BOD1L1: variants seen among roughly 807,000 people sequenced by gnomAD.
BOD1L1 encodes biorientation of chromosomes in cell division 1 like 1.
A neutral mutation model predicts 240.7 loss-of-function variants in BOD1L1; 86 were observed. The observed-to-expected ratio is 0.36, with a 90% CI of 0.30 to 0.43. BOD1L1 has a LOEUF of 0.43. Ranked by LOEUF, BOD1L1 falls within the 20% of genes least tolerant of loss-of-function variation. The pLI is 1.00. For synonymous variants in BOD1L1, 1,268 were observed against 1,272.3 expected, an observed-to-expected ratio of 1.00 and a Z score of 0.07; for missense variants, 3,554 against 3,643.5, an observed-to-expected ratio of 0.98 and a Z score of 0.63.
rs1716360915 is a variant in BOD1L1, at chr4:13,613,747, ATT to A, written c.1175-88_1175-87del. 8.8e-7 allele frequency: 1 copy of A among 1,141,954 alleles called. No homozygotes were observed. Among genetic ancestry groups the A allele is most frequent in the Admixed American group, 3.3e-5 (1 of 29,968 alleles). 70.7% of individuals were successfully genotyped at this position (1,141,954 alleles called of 1,614,324 possible). On this transcript the variant is annotated intron_variant, in intron 4 of 25. Coordinates refer to ENST00000040738, the MANE Select transcript of BOD1L1 (RefSeq NM_148894.3). This position sits in a 1 kb window ranked among gnomAD's most constrained non-coding sequence, Gnocchi z 4.0. ...GCTCAATTACTAAATTACACTTAAA[ATT>A]TTCTGCTTTAAATACGTGTCAAACT... is the stretch of plus-strand genomic sequence containing the variant.
At position 13,603,480 on chromosome 4, in the gene BOD1L1, G is replaced by A. The variant is rs1715398844; in HGVS notation, c.3420C>T (p.Asn1140=). The change falls in exon 10 of 26, where the codon AAC becomes AAT. Residue 1140 remains asparagine, a synonymous_variant. Coordinates refer to ENST00000040738, the MANE Select transcript of BOD1L1 (RefSeq NM_148894.3). ...TGTCTTGCTGAGAATTATTATTGCG[G>A]TTGTCTTGGGTTTTAGATACTTCAA... ...NVFEVSKTQD[N]RNNNSQQDID... The A allele has an allele frequency of 1.2e-6, 2 of 1,613,918 alleles. No homozygotes were observed. Among genetic ancestry groups the A allele is most frequent in the African/African-American group, 1.3e-5 (1 of 75,032 alleles).
chr4:13,572,643 T>C lies in BOD1L1; in HGVS notation c.9039-2515A>G, dbSNP rs142748091. 9.7e-6 allele frequency: 12 copies of C among 1,238,498 alleles called. No homozygotes were observed. In the Admixed American group the frequency reaches 3.2e-4, roughly 33 times the overall value. 76.7% of individuals were successfully genotyped at this position (1,238,498 alleles called of 1,614,324 possible). A position where few individuals can be genotyped will look rare whatever the true frequency, so the allele number is the denominator to read the frequency against. ...AAAGGAAATTAGGAAGAAAGCATTA[T>C]TGTACCAAAAATAGTCTTAGGGGGT... On this transcript the variant is annotated intron_variant, in intron 25 of 25. Transcript: ENST00000040738.
intron 7 of BOD1L1, 64 bp from the exon 8 acceptor site, chr4:13,608,732 T>A: frequency 7.7e-7 from 1 of 1,298,114 alleles, no homozygotes; most frequent in Non-Finnish European, 1.0e-6. Context: ...TAATATTAAT[T>A]TTTCATTAAG....
intron 18 of BOD1L1, 132 bp from the exon 19 acceptor site, chr4:13,582,442 T>G (rs1375565346): frequency 1.3e-6 from 1 of 766,540 alleles, no homozygotes; most frequent in African/African-American, 1.7e-5. Flanking sequence ...CCATCAAAAT[T>G]AACAAGCCTG....
intron 1 of BOD1L1, among the ~76,000 whole-genome samples, chr4:13,621,713 T>C (rs937348138): frequency 5.9e-5 from 9 of 152,164 alleles, no homozygotes; most frequent in Non-Finnish European, 1.2e-4. Context: ...TGGGTAACTA[T>C]CTCTAACACA....
Position 13,601,494 on chromosome 4 carries a change from C to A in BOD1L1, c.5406G>T (p.Gly1802=), listed in dbSNP as rs200617527. ...TSTGITEDGE[G]PASCTGSEDS... ...CTTCTGAACCTGTGCAACTTGCTGG[C>A]CCCTCTCCATCTTCTGTTATCCCCG... Residue 1802 remains glycine, a synonymous_variant, in exon 10 of 26, where the codon GGG becomes GGT. Transcript: ENST00000040738. The A allele has an allele frequency of 1.8e-5, 29 of 1,614,014 alleles. No homozygotes were observed. The highest frequency in any genetic ancestry group is 2.3e-5 in the Non-Finnish European group (27 of 1,179,878).
intron 1 of BOD1L1, chr4:13,624,222 G>C (rs1263968161): frequency 6.6e-6 from 1 of 152,052 alleles, no homozygotes; most frequent in Non-Finnish European, 1.5e-5. Context: ...GGCAGGGAGG[G>C]GGAGAGAGAG....
chr4:13,601,420 T>C lies in BOD1L1; in HGVS notation c.5480A>G (p.Glu1827Gly). 6.2e-7 allele frequency: 1 copy of C among 1,614,052 alleles called. No individual in the cohort carries two copies. Among genetic ancestry groups the C allele is most frequent in the Non-Finnish European group, 8.5e-7 (1 of 1,179,906 alleles). The change falls in exon 10 of 26, where the codon GAG (glutamate) becomes GGG (glycine). Residue 1827 changes from glutamate to glycine, a missense_variant. Around this residue, in one of 2 missense-constraint regions of BOD1L1, gnomAD observed 3,393 missense variants for 3,427.1 expected, o/e 0.99. Coordinates refer to ENST00000040738, the MANE Select transcript of BOD1L1 (RefSeq NM_148894.3). ...AISSESEENG[E>G]SAMDSTVAKE... is the part of the protein sequence containing the mutation. ...GGCCACTGTGCTGTCCATTGCACTC[T>C]CTCCATTTTCTTCCGATTCAGAACT...
chr4:13,579,839 G>A, intron 22 of BOD1L1, 89 bp downstream of exon 22: 1 of 1,036,228 alleles, frequency 9.7e-7, no homozygotes, highest in Non-Finnish European at 1.4e-6. Context: ...TCAATGAGAG[G>A]CAGAATGGAA....
intron 17 of BOD1L1, 105 bp downstream of exon 17, chr4:13,586,288 AAAG>A: frequency 1.9e-6 from 1 of 528,742 alleles, no homozygotes; most frequent in Middle Eastern, 2.8e-4. Context: ...AGAGACATTT[AAAG>A]AGGGATAGTA....
At chr4:13,606,532 A>G (rs1211071001) in intron 9 of BOD1L1, among the ~76,000 whole-genome samples, 1 of 152,232 alleles carries the variant, frequency 6.6e-6, no homozygotes, top group East Asian at 1.9e-4. Context: ...GAAAGGGGGA[A>G]GAAAACATTG....
chr4:13,586,132 T>C (rs151159649), intron 17 of BOD1L1, among the ~76,000 whole-genome samples: 173 of 152,280 alleles, frequency 1.1e-3, no homozygotes, highest in African/African-American at 3.8e-3. Flanking sequence ...AAATCAATAC[T>C]ACTACTGAAC....
At chr4:13,605,176 C>T in intron 9 of BOD1L1, 92 bp from the exon 10 acceptor site, 1 of 1,094,734 alleles carries the variant, frequency 9.1e-7, no homozygotes, top group Non-Finnish European at 1.2e-6. Context: ...ATGTTGAGTG[C>T]TGTCACATAT....
chr4:13,614,802 T>C lies in BOD1L1; in HGVS notation c.568A>G (p.Thr190Ala). ...GCTACATTAGCACTGGGCCCAGGAG[T>C]AGGAACACCTTAAAGAAAAACAGAA... ...DTSLITQGVP[T>A]PGPSANVAND... Residue 190 changes from threonine (T) to alanine (A), a missense_variant, in exon 4 of 26, where the codon ACT (threonine) becomes GCT (alanine). Thr to Ala is a moderately conservative substitution (Grantham distance 58, BLOSUM62 0). Around this residue, in one of 2 missense-constraint regions of BOD1L1, gnomAD observed 3,393 missense variants for 3,427.1 expected, o/e 0.99. Transcript: ENST00000040738. 6.2e-7 allele frequency: 1 copy of C among 1,604,666 alleles called. No individual in the cohort carries two copies. The highest frequency in any genetic ancestry group is 1.1e-5 in the South Asian group (1 of 89,670).
chr4:13,623,620 C>T (rs1423041073), intron 1 of BOD1L1: 1 of 152,222 alleles, frequency 6.6e-6, no homozygotes, highest in African/African-American at 2.4e-5. Context: ...AGTCAGATCT[C>T]TCTCCTGGTT....
At chr4:13,616,570 T>G (rs1441689731) in intron 2 of BOD1L1, among the ~76,000 whole-genome samples, 1 of 152,210 alleles carries the variant, frequency 6.6e-6, no homozygotes, top group Admixed American at 6.5e-5. Context: ...GTCAAGGTAG[T>G]CAGGATAGTG....
At chr4:13,593,412 A>G (rs1714374589) in intron 12 of BOD1L1, 1 of 152,364 alleles carries the variant, frequency 6.6e-6, no homozygotes, top group Non-Finnish European at 1.5e-5. Flanking sequence ...ATGCTAATAA[A>G]GTAATGATGG....
In BOD1L1 at chr4:13,600,203, C is replaced by G. The variant is rs144300104; in HGVS notation, c.6697G>C (p.Gly2233Arg). 58 of 1,613,856 alleles carry G rather than the reference C, an allele frequency of 3.6e-5. No individual in the cohort carries two copies. The highest frequency in any genetic ancestry group is 4.9e-5 in the Non-Finnish European group (58 of 1,179,896). The change falls in exon 10 of 26, where the codon GGT becomes CGT. Residue 2233 changes from glycine to arginine, a missense_variant. Gly to Arg is a moderately radical substitution (Grantham distance 125). Coordinates refer to ENST00000040738, the MANE Select transcript of BOD1L1 (RefSeq NM_148894.3). ...TCATTTTCACTTTCAACAACTACAC[C>G]GGAAACAGAAGCCTCACATTCTTCT... is the stretch of plus-strand genomic sequence containing the variant. ...IAEECEASVS[G>R]VVVESENERA...
rs1207735717 is a variant in BOD1L1, at chr4:13,608,531, T to G, written c.1741A>C (p.Arg581=). ...AACATGACCAGATAAAATATGTACCTTGAATCTTTTTTTCTCTTTTTGCTT... is the reference window on the plus strand; with the variant it reads ...AACATGACCAGATAAAATATGTACCGTGAATCTTTTTTTCTCTTTTTGCTT... The part of the protein sequence containing the change: ...ALSKKRKKDS[R]NVEENSKKKQ... The change falls in exon 8 of 26, where the codon AGG becomes CGG. Residue 581 remains arginine (R), a splice_region_variant and synonymous_variant. Transcript: ENST00000040738. The G allele has an allele frequency of 6.5e-7, 1 of 1,536,510 alleles. No homozygotes were observed. Among genetic ancestry groups the G allele is most frequent in the East Asian group, 2.4e-5 (1 of 42,344 alleles).
Sources: gnomAD v4.1 joint callset for allele counts (sites outside exome capture counted in the v4.1 genomes callset) on GRCh38, gnomAD v4.1.1 for gene constraint, gnomAD v4.1.1 regional missense constraint, Gnocchi (gnomAD v3.1) non-coding constraint, MANE v1.5 for transcripts, NCBI Gene and HGNC (gene_info 2026-07-23, HGNC 2026-07-21) for gene names.